CCDC186: variants seen among roughly 807,000 people sequenced by gnomAD.
CCDC186 encodes coiled-coil domain containing 186, also known as coiled-coil domain-containing protein 186.
CCDC186 carries 49 observed loss-of-function variants against 113.7 expected under a neutral mutation model. That is an observed-to-expected ratio of 0.43 (90% confidence interval 0.34 to 0.55). The LOEUF is 0.55. Ranked by LOEUF, CCDC186 falls within the 20% of genes least tolerant of loss-of-function variation. CCDC186 has a pLI of 0.02. For missense variants in CCDC186, 890 were observed against 1,011.1 expected (o/e 0.88, Z 1.62); for synonymous variants, 355 against 345.8 (o/e 1.03, Z -0.30).
chr10:114,132,642 T>C (rs1273775198), intron 10 of CCDC186, among the ~76,000 whole-genome samples: 1 of 152,190 alleles, frequency 6.6e-6, no homozygotes, highest in Non-Finnish European at 1.5e-5. Flanking sequence ...TGTGGATGTG[T>C]TCCAAAAAAA....
intron 4 of CCDC186, among the ~76,000 whole-genome samples, chr10:114,147,973 A>G (rs1163908022): frequency 6.6e-6 from 1 of 152,054 alleles, no homozygotes; most frequent in Non-Finnish European, 1.5e-5. Context: ...TACAAAAAAA[A>G]CAAAAAACAA....
rs766549960 is a variant in CCDC186 at position 114,163,114 on chromosome 10, G to A, written c.155C>T (p.Thr52Ile). ...SKLLSLNTDK[T>I]LCQPNEHNNR... ...ATTATGCTCATTAGGTTGACATAAA[G>A]TTTTATCAGTGTTTAATGACAATAG... is the stretch of plus-strand genomic sequence containing the variant. The change falls in exon 2 of 16, where the codon ACT becomes ATT. Residue 52 changes from threonine (T) to isoleucine (I), a missense_variant. Transcript: ENST00000369287. 6.2e-7 allele frequency: 1 copy of A among 1,613,908 alleles called. No homozygotes were observed. The highest frequency in any genetic ancestry group is 8.5e-7 in the Non-Finnish European group (1 of 1,179,946).
intron 11 of CCDC186, 136 bp from the exon 12 acceptor site, chr10:114,131,472 T>G: frequency 1.4e-6 from 1 of 722,590 alleles, no homozygotes; most frequent in Non-Finnish European, 2.1e-6. Flanking sequence ...AGCTTTTGTT[T>G]ACTTGAGCTT....
chr10:114,153,317 CA>C (rs2031909700), intron 3 of CCDC186, among the ~76,000 whole-genome samples: 1 of 152,058 alleles, frequency 6.6e-6, no homozygotes, highest in Non-Finnish European at 1.5e-5. Context: ...GGGAAATTCA[CA>C]AATTTGTGAA....
intron 2 of CCDC186, among the ~76,000 whole-genome samples, chr10:114,160,670 A>G (rs1462156354): frequency 6.6e-6 from 1 of 152,238 alleles, no homozygotes; most frequent in East Asian, 1.9e-4. Context: ...ATATTTCAAT[A>G]AAGCTGGGGG....
At chr10:114,166,279 AC>A (rs988052364) in intron 1 of CCDC186, among the ~76,000 whole-genome samples, 4 of 152,160 alleles carry the variant, frequency 2.6e-5, no homozygotes, top group African/African-American at 9.7e-5. Context: ...AACCAGTCTA[AC>A]TCAAAGATTC....
In CCDC186 at chr10:114,135,980, T is replaced by G. The variant is rs1215314510; in HGVS notation, c.1426-3A>C. On this transcript the variant is annotated splice_polypyrimidine_tract_variant and splice_region_variant and intron_variant, in intron 8 of 15. Coordinates refer to ENST00000369287, the MANE Select transcript of CCDC186 (RefSeq NM_018017.4). Reference sequence around the variant, plus strand: ...TCCTTTATTTTGGCATGATGCATCTTTAAAAAAGTTTAAAAGAAACAACAA... The same window carrying G: ...TCCTTTATTTTGGCATGATGCATCTGTAAAAAAGTTTAAAAGAAACAACAA... 3.7e-6 allele frequency: 6 copies of G among 1,603,294 alleles called. No individual in the cohort carries two copies. The highest frequency in any genetic ancestry group is 5.1e-6 in the Non-Finnish European group (6 of 1,171,106).
At chr10:114,170,820 G>A (rs1258125614) in intron 1 of CCDC186, among the ~76,000 whole-genome samples, 2 of 151,560 alleles carry the variant, frequency 1.3e-5, no homozygotes, top group African/African-American at 4.9e-5. Flanking sequence ...CACACACAAA[G>A]ATGTTTAAAA....
At chr10:114,152,071 T>C (rs1318304070) in intron 3 of CCDC186, among the ~76,000 whole-genome samples, 1 of 152,228 alleles carries the variant, frequency 6.6e-6, no homozygotes, top group Non-Finnish European at 1.5e-5. Flanking sequence ...AGCCAGGTAG[T>C]GGCTTATGCC....
At chr10:114,158,457 T>A (rs918397341) in intron 2 of CCDC186, among the ~76,000 whole-genome samples, 2 of 152,216 alleles carry the variant, frequency 1.3e-5, no homozygotes, top group South Asian at 4.1e-4. Flanking sequence ...GCACACTTGC[T>A]ATTGGCTAAA....
chr10:114,131,454 T>C, intron 11 of CCDC186, 118 bp from the exon 12 acceptor site: 1 of 854,700 alleles, frequency 1.2e-6, no homozygotes, highest in Non-Finnish European at 1.7e-6. Context: ...CTATTATTAT[T>C]CCTTATCAGC....
At chr10:114,158,338 TAA>T (rs2032070324) in intron 2 of CCDC186, among the ~76,000 whole-genome samples, 2 of 152,014 alleles carry the variant, frequency 1.3e-5, no homozygotes, top group South Asian at 2.1e-4. Flanking sequence ...AAAACAGAAA[TAA>T]AGTCTCAAAA....
At chr10:114,151,784 A>G (rs2031865208) in intron 3 of CCDC186, among the ~76,000 whole-genome samples, 1 of 152,170 alleles carries the variant, frequency 6.6e-6, no homozygotes, top group African/African-American at 2.4e-5. Context: ...TTAATTAATA[A>G]GTGAGTTTAC....
intron 4 of CCDC186, among the ~76,000 whole-genome samples, chr10:114,148,824 G>C (rs2031725205): frequency 6.6e-6 from 1 of 152,100 alleles, no homozygotes; most frequent in Non-Finnish European, 1.5e-5. Context: ...TTGTAAGTAG[G>C]GTTCAAATTC....
chr10:114,136,369 C>A, intron 7 of CCDC186, 123 bp from the exon 8 acceptor site: 1 of 628,296 alleles, frequency 1.6e-6, no homozygotes, highest in Non-Finnish European at 2.7e-6. Context: ...GGATAAGAGA[C>A]AAGTTCTGTT....
At chr10:114,139,035 T>C (rs998122571) in intron 6 of CCDC186, among the ~76,000 whole-genome samples, 15 of 152,236 alleles carry the variant, frequency 9.9e-5, no homozygotes, top group African/African-American at 3.6e-4. Flanking sequence ...ATACTATAGC[T>C]TATATGTTCC....
intron 14 of CCDC186, 43 bp from the exon 15 acceptor site, chr10:114,126,148 T>A (rs2030893815): frequency 3.3e-6 from 5 of 1,511,448 alleles, no homozygotes; most frequent in Admixed American, 3.8e-5. Flanking sequence ...CTTGTAGAAT[T>A]AAAAAAAATG....
chr10:114,139,569 A>T (rs1287096434), intron 6 of CCDC186, among the ~76,000 whole-genome samples: 2 of 151,988 alleles, frequency 1.3e-5, no homozygotes, highest in Non-Finnish European at 2.9e-5. Flanking sequence ...TCTCAAAAAA[A>T]AAAAAGAAAA....
At chr10:114,127,311 T>C (rs923994123) in intron 14 of CCDC186, 150 bp downstream of exon 14, 1 of 714,404 alleles carries the variant, frequency 1.4e-6, no homozygotes, top group African/African-American at 1.8e-5. Flanking sequence ...ACCTAGAACA[T>C]AATAGGTGAC....
Sources: gnomAD v4.1 joint callset for allele counts (sites outside exome capture counted in the v4.1 genomes callset) on GRCh38, gnomAD v4.1.1 for gene constraint, MANE v1.5 for transcripts, NCBI Gene and HGNC (gene_info 2026-07-23, HGNC 2026-07-21) for gene names.